GNG12: variants seen among roughly 807,000 people sequenced by gnomAD.
The protein encoded by GNG12 is G protein subunit gamma 12.
For synonymous variants in GNG12, 28 were observed against 29.7 expected, an observed-to-expected ratio of 0.94 and a Z score of 0.19; for missense variants, 69 against 83.8, an observed-to-expected ratio of 0.82 and a Z score of 0.69.
intron 2 of GNG12, among the ~76,000 whole-genome samples, chr1:67,768,501 T>C (rs1203542872): frequency 6.6e-6 from 1 of 152,252 alleles, no homozygotes; most frequent in Non-Finnish European, 1.5e-5. Context: ...GCTAGTTTTT[T>C]CCAAGGCTTT....
chr1:67,822,024 C>A (rs1276427970), intron 1 of GNG12, among the ~76,000 whole-genome samples: 1 of 150,120 alleles, frequency 6.7e-6, no homozygotes, highest in African/African-American at 2.5e-5. Flanking sequence ...GAAGAATTGT[C>A]TTGGGCCACA....
intron 2 of GNG12, among the ~76,000 whole-genome samples, chr1:67,720,253 G>A (rs1384849788): frequency 6.6e-6 from 1 of 152,188 alleles, no homozygotes; most frequent in African/African-American, 2.4e-5. Flanking sequence ...CTCATCCTGT[G>A]CCCCAAATAA....
chr1:67,741,664 A>T (rs1570504392), intron 2 of GNG12, among the ~76,000 whole-genome samples: 1 of 152,254 alleles, frequency 6.6e-6, no homozygotes, highest in East Asian at 1.9e-4. Flanking sequence ...TAAATTATTT[A>T]AAAATACTGT....
chr1:67,798,565 G>C (rs1223667610), intron 1 of GNG12, among the ~76,000 whole-genome samples: 1 of 151,996 alleles, frequency 6.6e-6, no homozygotes, highest in East Asian at 1.9e-4. Context: ...CCCCGAGACA[G>C]CGAGACAAAC....
At chr1:67,786,985 G>GTGTGTGTGTGTGTGTGTGTGTA (rs1407300795) in intron 1 of GNG12, among the ~76,000 whole-genome samples, 1 of 118,976 alleles carries the variant, frequency 8.4e-6, no homozygotes, top group African/African-American at 3.2e-5. Flanking sequence ...GTGTGTGTGT[G>GTGTGTGTGTGTGTGTGTGTGTA]TATGTATATA....
intron 1 of GNG12, among the ~76,000 whole-genome samples, chr1:67,832,046 A>G (rs1361646535): frequency 6.6e-6 from 1 of 152,228 alleles, no homozygotes; most frequent in Non-Finnish European, 1.5e-5. Context: ...GACGACATCC[A>G]AAAGATTCAT....
At chr1:67,714,766 C>T (rs1446798740) in intron 2 of GNG12, among the ~76,000 whole-genome samples, 1 of 152,196 alleles carries the variant, frequency 6.6e-6, no homozygotes. Context: ...CAGAACATGA[C>T]TGTACTCGGA....
intron 1 of GNG12, among the ~76,000 whole-genome samples, chr1:67,824,093 T>G (rs2492877): frequency 0.018 from 2,708 of 152,258 alleles, 95 homozygotes; most frequent in African/African-American, 0.062. Context: ...TACCATATAT[T>G]CTTATTTGCT....
intron 2 of GNG12, among the ~76,000 whole-genome samples, chr1:67,745,713 A>T (rs2100718681): frequency 6.6e-6 from 1 of 152,284 alleles, no homozygotes; most frequent in Non-Finnish European, 1.5e-5. Context: ...GATACTTAGT[A>T]AGTATTTGTG....
At chr1:67,783,884 C>G (rs1379858870) in intron 1 of GNG12, among the ~76,000 whole-genome samples, 1 of 150,178 alleles carries the variant, frequency 6.7e-6, no homozygotes, top group Non-Finnish European at 1.5e-5. Flanking sequence ...TAAACTAGTT[C>G]AACCATTGTG....
Position 67,714,978 on chromosome 1 carries a change from A to G in GNG12, c.-26-7266T>C, listed in dbSNP as rs564252613. Among the ~76,000 whole-genome samples, 6 of 152,270 alleles carry G rather than the reference A, an allele frequency of 3.9e-5. No individual in the cohort carries two copies. In the East Asian group the frequency reaches 1.2e-3, roughly 29 times the overall value. On this transcript the variant is annotated intron_variant, in intron 2 of 3. Coordinates refer to ENST00000370982, the MANE Select transcript of GNG12 (RefSeq NM_018841.6). ...ACTCTTGTTGCCCAGGCTGGAGTGCAGTGGCGCGATCTCGGCTCACTGCAG... is the reference window on the plus strand; with the variant it reads ...ACTCTTGTTGCCCAGGCTGGAGTGCGGTGGCGCGATCTCGGCTCACTGCAG...
At chr1:67,829,493 CT>C (rs2100832366) in intron 1 of GNG12, among the ~76,000 whole-genome samples, 1 of 152,200 alleles carries the variant, frequency 6.6e-6, no homozygotes, top group East Asian at 1.9e-4. Flanking sequence ...TTTTGTATAG[CT>C]GTTTTCCTGT....
chr1:67,812,320 A>T (rs1646930800), intron 1 of GNG12, among the ~76,000 whole-genome samples: 1 of 152,200 alleles, frequency 6.6e-6, no homozygotes, highest in Non-Finnish European at 1.5e-5. Context: ...CATCTCATTG[A>T]TTTTCTACTT....
intron 2 of GNG12, among the ~76,000 whole-genome samples, chr1:67,764,304 A>G (rs371599935): frequency 6.6e-6 from 1 of 152,166 alleles, no homozygotes; most frequent in East Asian, 1.9e-4. Context: ...ACCAGGAGAA[A>G]GAGGTGGGGC....
At chr1:67,768,818 T>TA (rs1364626924) in intron 2 of GNG12, among the ~76,000 whole-genome samples, 2 of 152,250 alleles carry the variant, frequency 1.3e-5, no homozygotes, top group African/African-American at 4.8e-5. Flanking sequence ...AAGTATGCTT[T>TA]AGCTAAGAGC....
chr1:67,819,932 G>C (rs1557627575), intron 1 of GNG12, among the ~76,000 whole-genome samples: 1 of 152,032 alleles, frequency 6.6e-6, no homozygotes, highest in Non-Finnish European at 1.5e-5. Context: ...TCCATCCCCA[G>C]TCCATCTCTC....
At chr1:67,806,015 C>A (rs542257119) in intron 1 of GNG12, among the ~76,000 whole-genome samples, 2 of 150,484 alleles carry the variant, frequency 1.3e-5, no homozygotes, top group African/African-American at 4.9e-5. Context: ...AGAAAAAAAA[C>A]GAACCTAGAA....
intron 1 of GNG12, among the ~76,000 whole-genome samples, chr1:67,786,950 T>C (rs1646771938): frequency 9.5e-6 from 1 of 105,304 alleles, no homozygotes; most frequent in African/African-American, 3.4e-5. Context: ...TGTGTGTGTG[T>C]GTGTGTGTGT....
At chr1:67,778,458 C>T (rs1646719094) in intron 1 of GNG12, among the ~76,000 whole-genome samples, 1 of 152,100 alleles carries the variant, frequency 6.6e-6, no homozygotes, top group Admixed American at 6.6e-5. Flanking sequence ...ATCTTATTCA[C>T]CTATTTTCCT....
Sources: gnomAD v4.1 joint callset for allele counts (sites outside exome capture counted in the v4.1 genomes callset) on GRCh38, gnomAD v4.1.1 for gene constraint, MANE v1.5 for transcripts, NCBI Gene and HGNC (gene_info 2026-07-23, HGNC 2026-07-21) for gene names.